The following SFMBT1 variants were observed in gnomAD, a reference collection of about 807,000 sequenced individuals.
SFMBT1 encodes the protein scm-like with four MBT domains protein 1.
In SFMBT1, 32 loss-of-function variants were observed where a neutral mutation model predicts 108.7. The observed-to-expected ratio is 0.29, with a 90% confidence interval of 0.22 to 0.40. The LOEUF is 0.40. Among genes scored for constraint, SFMBT1 ranks in the 10% least tolerant of loss-of-function variants. The pLI, the probability that SFMBT1 is intolerant of heterozygous loss-of-function variation, is 1.00. For synonymous variants in SFMBT1, 348 were observed against 369.5 expected, an observed-to-expected ratio of 0.94 and a Z score of 0.67; for missense variants, 816 against 1,059.6, an observed-to-expected ratio of 0.77 and a Z score of 3.19.
chr3:52,917,394 G>A (rs979846743), intron 13 of SFMBT1, among the ~76,000 whole-genome samples: 3 of 152,116 alleles, frequency 2.0e-5, no homozygotes, highest in South Asian at 4.2e-4. Flanking sequence ...GAGAGGGGTC[G>A]GGGGGTGCCG....
chr3:53,025,567 G>C (rs1482695196), intron 1 of SFMBT1, among the ~76,000 whole-genome samples: 3 of 152,120 alleles, frequency 2.0e-5, no homozygotes, highest in Non-Finnish European at 2.9e-5. Context: ...AGTGAGCCAT[G>C]ATTGTGCCAC....
chr3:52,997,912 G>A lies in SFMBT1; in HGVS notation c.-130-28654C>T, dbSNP rs140899260. Among the ~76,000 whole-genome samples the A allele has an allele frequency of 3.3e-3, 500 of 150,696 alleles. 38 individuals carry two copies. Among genetic ancestry groups the A allele is most frequent in the South Asian group, 5.3e-3 (25 of 4,760 alleles). ...AAAAAAAGAGAGAAGATAACACAACGTGTTGGTCAATTGGATCCTTTAAAC... is the reference window on the plus strand; with the variant it reads ...AAAAAAAGAGAGAAGATAACACAACATGTTGGTCAATTGGATCCTTTAAAC... On this transcript the variant is annotated intron_variant, in intron 1 of 20. Transcript: ENST00000394752.
chr3:52,933,647 T>C (rs940311497), intron 5 of SFMBT1, among the ~76,000 whole-genome samples: 6 of 152,204 alleles, frequency 3.9e-5, no homozygotes, highest in Non-Finnish European at 8.8e-5. Context: ...GTTTTTAGTA[T>C]GTATAAGGCC....
At chr3:52,967,690 A>G (rs1199949333) in intron 2 of SFMBT1, among the ~76,000 whole-genome samples, 2 of 152,234 alleles carry the variant, frequency 1.3e-5, no homozygotes, top group Non-Finnish European at 2.9e-5. Context: ...TGACGAGGAT[A>G]TGCAGATGCC....
chr3:53,016,987 A>G (rs757872344), intron 1 of SFMBT1, among the ~76,000 whole-genome samples: 29 of 152,208 alleles, frequency 1.9e-4, no homozygotes, highest in African/African-American at 2.7e-4. Context: ...TGTTAACTAG[A>G]TTCGTCTCCA....
chr3:52,968,815 G>A (rs1045227507), intron 2 of SFMBT1, among the ~76,000 whole-genome samples: 1 of 152,008 alleles, frequency 6.6e-6, no homozygotes, highest in East Asian at 1.9e-4. Flanking sequence ...GGATGGTCTC[G>A]ATCTCCTGAC....
In SFMBT1 at chr3:52,954,351, C is replaced by T. The variant is rs746062679; in HGVS notation, c.89G>A (p.Gly30Glu). The T allele has an allele frequency of 8.7e-6, 14 of 1,613,596 alleles. No individual in the cohort carries two copies. Among genetic ancestry groups the T allele is most frequent in the Non-Finnish European group, 1.1e-5 (13 of 1,179,866 alleles). Residue 30 changes from glycine (G) to glutamate (E), a missense_variant, in exon 3 of 21, where the codon GGG becomes GAG. By Grantham distance (98) the Gly-to-Glu change is moderately conservative. Transcript: ENST00000394752. Reference protein sequence around the residue: ...LSWEDYLEETGSTAVPYGSFK... With the variant: ...LSWEDYLEETESTAVPYGSFK... ...AGACCCATAGGGAACTGCTGTGGAC[C>T]CTGTTTCTTCTAGATAATCTTCCCA...
chr3:53,031,883 T>C (rs529630869), intron 1 of SFMBT1, among the ~76,000 whole-genome samples: 1 of 152,326 alleles, frequency 6.6e-6, no homozygotes, highest in East Asian at 1.9e-4. Flanking sequence ...AGAGTGGCTT[T>C]AAAGCATTTT....
intron 4 of SFMBT1, among the ~76,000 whole-genome samples, chr3:52,941,722 CTCTG>C (rs1703191249): frequency 6.6e-6 from 1 of 150,502 alleles, no homozygotes; most frequent in Non-Finnish European, 1.5e-5. Context: ...CACAGCGAAA[CTCTG>C]TCTCTACAAA....
intron 4 of SFMBT1, among the ~76,000 whole-genome samples, chr3:52,936,608 G>A (rs974859346): frequency 6.6e-6 from 1 of 152,126 alleles, no homozygotes; most frequent in Non-Finnish European, 1.5e-5. Context: ...GATGTTCCAG[G>A]ATCATCTAGG....
intron 1 of SFMBT1, among the ~76,000 whole-genome samples, chr3:52,984,737 T>C (rs1704844769): frequency 8.1e-6 from 1 of 123,126 alleles, no homozygotes; most frequent in African/African-American, 3.4e-5. Context: ...TGTGTGTGTG[T>C]GTGTGTGTGT....
chr3:53,037,833 G>A (rs926445263), intron 1 of SFMBT1, among the ~76,000 whole-genome samples: 4 of 152,126 alleles, frequency 2.6e-5, no homozygotes, highest in African/African-American at 9.7e-5. Context: ...TAAAGGCCCG[G>A]CGCAGTGGCT....
At chr3:52,961,749 C>T (rs1210045994) in intron 2 of SFMBT1, among the ~76,000 whole-genome samples, 4 of 152,150 alleles carry the variant, frequency 2.6e-5, no homozygotes, top group Non-Finnish European at 4.4e-5. Context: ...ATAATAAAGA[C>T]AGCTTTGAGG....
chr3:52,957,783 T>A (rs1370962321), intron 2 of SFMBT1, among the ~76,000 whole-genome samples: 1 of 152,154 alleles, frequency 6.6e-6, no homozygotes, highest in African/African-American at 2.4e-5. Flanking sequence ...TGGGATTCCT[T>A]CCTTACACCT....
At position 52,951,126 on chromosome 3, in the gene SFMBT1, A is replaced by AAAAAAAAG. The variant is rs1553637540; in HGVS notation, c.123+3190_123+3191insCTTTTTTT. 6.4e-4 allele frequency among the ~76,000 whole-genome samples: 86 copies of AAAAAAAAG among 134,196 alleles called. 3 individuals are homozygous for AAAAAAAAG. Among genetic ancestry groups the AAAAAAAAG allele is most frequent in the East Asian group, 3.3e-3 (14 of 4,260 alleles). The allele number at this position is 134,196 out of a possible 152,430, so 88.0% of individuals were successfully genotyped here. A position where few individuals can be genotyped will look rare whatever the true frequency, so the allele number is the denominator to read the frequency against. On this transcript the variant is annotated intron_variant, in intron 3 of 20. Transcript: ENST00000394752. ...GCAAGACTCTTATCTTAAAAAAAAA[A>AAAAAAAAG]AAAAAAGAAAAATCCAAGGTTTTCT...
In SFMBT1 at chr3:52,954,728, G is replaced by A. The variant is rs554786943; in HGVS notation, c.29-317C>T. Reference sequence around the variant, plus strand: ...AGTATAAACCATTACTATCACTTTGGACTGAAATTTAGTATTCTAATGTCA... The same window carrying A: ...AGTATAAACCATTACTATCACTTTGAACTGAAATTTAGTATTCTAATGTCA... On this transcript the variant is annotated intron_variant, in intron 2 of 20. Coordinates refer to ENST00000394752, the MANE Select transcript of SFMBT1 (RefSeq NM_016329.4). Among the ~76,000 whole-genome samples the A allele has an allele frequency of 2.6e-5, 4 of 152,134 alleles. No homozygotes were observed. In the South Asian group the frequency reaches 6.2e-4, roughly 24 times the overall value.
chr3:52,998,718 G>A (rs1461889966), intron 1 of SFMBT1, among the ~76,000 whole-genome samples: 1 of 150,676 alleles, frequency 6.6e-6, no homozygotes, highest in Non-Finnish European at 1.5e-5. Context: ...GAACCCCAAC[G>A]AGCTTGTGAT....
intron 2 of SFMBT1, among the ~76,000 whole-genome samples, chr3:52,964,714 G>A (rs549634268): frequency 6.6e-6 from 1 of 152,212 alleles, no homozygotes; most frequent in East Asian, 1.9e-4. Flanking sequence ...ATGTTCAGGA[G>A]GTACTTGGGA....
At chr3:53,022,746 CTGGAGCGGGG>C (rs1363477808) in intron 1 of SFMBT1, among the ~76,000 whole-genome samples, 8 of 152,046 alleles carry the variant, frequency 5.3e-5, no homozygotes, top group Non-Finnish European at 1.2e-4. Context: ...TGCTGGTTAC[CTGGAGCGGGG>C]TGGAGCGGGA....
Sources: allele counts gnomAD v4.1 joint callset (sites outside exome capture counted in the v4.1 genomes callset), GRCh38; gene constraint gnomAD v4.1.1; transcripts MANE v1.5; gene names NCBI Gene and HGNC (gene_info 2026-07-23, HGNC 2026-07-21).